Variants in HLCS observed in about 807,000 individuals in gnomAD.
HLCS encodes the protein holocarboxylase synthetase, also known as biotin--protein ligase.
HLCS carries 53 observed loss-of-function variants against 75.0 expected under a neutral mutation model. The observed-to-expected ratio is 0.71, with a 90% CI of 0.57 to 0.89. The LOEUF (loss-of-function observed/expected upper bound fraction) is 0.89, where lower values mean the gene tolerates loss of function less well. Ranked by LOEUF, HLCS falls within the 40% of genes least tolerant of loss-of-function variation. HLCS has a pLI of 0.00. For missense variants in HLCS, 966 were observed against 1,074.0 expected (o/e 0.90, Z 1.41); for synonymous variants, 431 against 428.6 (o/e 1.01, Z -0.07).
intron 6 of HLCS, among the ~76,000 whole-genome samples, chr21:36,860,851 A>G (rs2063359784): frequency 6.6e-6 from 1 of 152,250 alleles, no homozygotes; most frequent in South Asian, 2.1e-4. Flanking sequence ...GTTTCTCCAC[A>G]GTAGGAGGCA....
At chr21:36,858,344 T>C (rs1241288447) in intron 6 of HLCS, among the ~76,000 whole-genome samples, 1 of 152,186 alleles carries the variant, frequency 6.6e-6, no homozygotes, top group Non-Finnish European at 1.5e-5. Context: ...TAAACATTAC[T>C]TGAAATTTCA....
chr21:36,793,533 C>T (rs1022885797), intron 6 of HLCS, among the ~76,000 whole-genome samples: 2 of 152,024 alleles, frequency 1.3e-5, no homozygotes, highest in South Asian at 4.2e-4. Context: ...AACTCCGGAC[C>T]TTGTGATCCA....
intron 6 of HLCS, among the ~76,000 whole-genome samples, chr21:36,775,152 C>T (rs1446991104): frequency 6.6e-6 from 1 of 152,194 alleles, no homozygotes; most frequent in Non-Finnish European, 1.5e-5. Context: ...TAGAGACACC[C>T]GCTTCATTTC....
chr21:36,854,496 G>T (rs1005627547), intron 6 of HLCS, among the ~76,000 whole-genome samples: 12 of 152,128 alleles, frequency 7.9e-5, no homozygotes, highest in African/African-American at 2.9e-4. Context: ...TCTGCAGGGG[G>T]AGTGACTTCT....
chr21:36,942,484 A>C (rs2067194748), intron 2 of HLCS, among the ~76,000 whole-genome samples: 1 of 151,958 alleles, frequency 6.6e-6, no homozygotes, highest in Non-Finnish European at 1.5e-5. Flanking sequence ...AATTAACTCA[A>C]ACTGGATCAA....
chr21:36,823,434 T>C (rs954212641), intron 6 of HLCS, among the ~76,000 whole-genome samples: 3 of 152,192 alleles, frequency 2.0e-5, no homozygotes, highest in Non-Finnish European at 4.4e-5. Flanking sequence ...CTCTCTTCAC[T>C]ATGCATGAAG....
intron 6 of HLCS, among the ~76,000 whole-genome samples, chr21:36,806,951 A>G (rs2061379325): frequency 6.6e-6 from 1 of 152,140 alleles, no homozygotes; most frequent in South Asian, 2.1e-4. Flanking sequence ...TCCCTTCCCA[A>G]CCTCATCTGT....
chr21:36,754,157 G>T lies in HLCS; in HGVS notation c.*89C>A. On this transcript the variant is annotated 3_prime_UTR_variant, in exon 11 of 11. Coordinates refer to ENST00000674895, the MANE Select transcript of HLCS (RefSeq NM_001352514.2). ...AGAACAAAGACTTAACAAATGAATTGGAGGAAAAGAAAATTCACCTACAAC... is the reference window on the plus strand; with the variant it reads ...AGAACAAAGACTTAACAAATGAATTTGAGGAAAAGAAAATTCACCTACAAC... 2 of 1,271,048 alleles carry T rather than the reference G, an allele frequency of 1.6e-6. No homozygotes were observed. Among genetic ancestry groups the T allele is most frequent in the Non-Finnish European group, 2.2e-6 (2 of 889,194 alleles). 78.7% of individuals were successfully genotyped at this position (1,271,048 alleles called of 1,614,324 possible). A position where few individuals can be genotyped will look rare whatever the true frequency, so the allele number is the denominator to read the frequency against.
At chr21:36,852,784 T>G (rs1294205119) in intron 6 of HLCS, among the ~76,000 whole-genome samples, 1 of 152,092 alleles carries the variant, frequency 6.6e-6, no homozygotes, top group Non-Finnish European at 1.5e-5. Context: ...CCTGCAAAGA[T>G]GCAACCTGCC....
At chr21:36,900,034 G>A (rs1356732333) in intron 5 of HLCS, among the ~76,000 whole-genome samples, 1 of 152,148 alleles carries the variant, frequency 6.6e-6, no homozygotes, top group East Asian at 1.9e-4. Context: ...GAACCCAGGA[G>A]GCAGAGGTTG....
At chr21:36,804,559 G>A (rs1458209270) in intron 6 of HLCS, among the ~76,000 whole-genome samples, 3 of 152,058 alleles carry the variant, frequency 2.0e-5, no homozygotes, top group Non-Finnish European at 4.4e-5. Flanking sequence ...AGTTTCCCCA[G>A]GCAAACACCT....
In HLCS at chr21:36,809,163, G is replaced by A. The variant is rs144015865; in HGVS notation, c.1893-41878C>T. Among the ~76,000 whole-genome samples, 296 of 151,806 alleles carry A rather than the reference G, an allele frequency of 1.9e-3. 2 individuals are homozygous for A. Among genetic ancestry groups the A allele is most frequent in the African/African-American group, 6.7e-3 (276 of 41,372 alleles). ...CAGGAGGCAGAGATTGCAGTGAGCC[G>A]ACATCATGCCACTGCACTCCAACCT... is the stretch of plus-strand genomic sequence containing the variant. On this transcript the variant is annotated intron_variant, in intron 6 of 10. Transcript: ENST00000674895.
chr21:36,962,106 T>A lies in HLCS; in HGVS notation c.260A>T (p.His87Leu). The change falls in exon 2 of 11, where the codon CAC becomes CTC. Residue 87 changes from histidine (H) to leucine (L), a missense_variant. His to Leu is a moderately conservative substitution (Grantham distance 99). Coordinates refer to ENST00000674895, the MANE Select transcript of HLCS (RefSeq NM_001352514.2). ...AATGCTCTCCGTCACAAATGCTATGTGTTCTGCTTCAAGTATAAAAGGAGA... is the reference window on the plus strand; with the variant it reads ...AATGCTCTCCGTCACAAATGCTATGAGTTCTGCTTCAAGTATAAAAGGAGA... ...LVSPFILEAE[H>L]IAFVTESIWV... 1 of 1,289,224 alleles carries A rather than the reference T, an allele frequency of 7.8e-7. No homozygotes were observed. 79.9% of individuals were successfully genotyped at this position (1,289,224 alleles called of 1,614,324 possible). A position where few individuals can be genotyped will look rare whatever the true frequency, so the allele number is the denominator to read the frequency against.
At chr21:36,909,286 T>C (rs1382535837) in intron 5 of HLCS, among the ~76,000 whole-genome samples, 1 of 152,336 alleles carries the variant, frequency 6.6e-6, no homozygotes, top group East Asian at 1.9e-4. Context: ...AAAACATTTA[T>C]CAAACTGTAC....
intron 6 of HLCS, among the ~76,000 whole-genome samples, chr21:36,858,082 C>T (rs2063259648): frequency 6.6e-6 from 1 of 152,138 alleles, no homozygotes; most frequent in Admixed American, 6.5e-5. Context: ...GCCACTGCGC[C>T]TGGCCAGGAT....
chr21:36,768,357 A>AC (rs1476855845), intron 6 of HLCS, among the ~76,000 whole-genome samples: 24 of 152,364 alleles, frequency 1.6e-4, no homozygotes, highest in African/African-American at 5.8e-4. Flanking sequence ...GGAGCGCTAG[A>AC]GAAAGACCAC....
chr21:36,763,049 G>A lies in HLCS; in HGVS notation c.2121+1963C>T, dbSNP rs1044700271. 4.6e-5 allele frequency among the ~76,000 whole-genome samples: 7 copies of A among 151,954 alleles called. No homozygotes were observed. In the South Asian group the frequency reaches 1.0e-3, roughly 23 times the overall value. ...CTTTCTTTCTTCCTTTTTTTGATAC[G>A]AGTCTCACTCTGTCGTCCAGGCTGG... On this transcript the variant is annotated intron_variant, in intron 8 of 10. Coordinates refer to ENST00000674895, the MANE Select transcript of HLCS (RefSeq NM_001352514.2).
chr21:36,933,475 C>A lies in HLCS; in HGVS notation c.1437+2974G>T, dbSNP rs575255532. On this transcript the variant is annotated intron_variant, in intron 4 of 10. Transcript: ENST00000674895. Reference sequence around the variant, plus strand: ...CTGAGGCAGGAGAATCACTTGAACCCGGGAAGCAGAGGTTGCAGTGAGCCG... The same window carrying A: ...CTGAGGCAGGAGAATCACTTGAACCAGGGAAGCAGAGGTTGCAGTGAGCCG... Among the ~76,000 whole-genome samples the A allele has an allele frequency of 1.5e-4, 22 of 148,692 alleles. 1 individual carries two copies. The highest frequency in any genetic ancestry group is 5.2e-4 in the African/African-American group (21 of 40,384).
Position 36,852,807 on chromosome 21 carries a change from T to G in HLCS, c.1892+44053A>C, listed in dbSNP as rs564721770. On this transcript the variant is annotated intron_variant, in intron 6 of 10. Coordinates refer to ENST00000674895, the MANE Select transcript of HLCS (RefSeq NM_001352514.2). The stretch of plus-strand genomic sequence containing the variant: ...GATGCAACCTGCCTGAAACCATCCC[T>G]CAGACACAGGACCCCGCTGAGGACA... 3.3e-5 allele frequency among the ~76,000 whole-genome samples: 5 copies of G among 152,164 alleles called. No homozygotes were observed. The South Asian group carries it at 1.0e-3, about 32-fold the overall frequency.
Sources: allele counts gnomAD v4.1 joint callset (sites outside exome capture counted in the v4.1 genomes callset), GRCh38; gene constraint gnomAD v4.1.1; transcripts MANE v1.5; gene names NCBI Gene and HGNC (gene_info 2026-07-23, HGNC 2026-07-21).